Variants in RIMS2 observed in about 807,000 individuals in gnomAD.
RIMS2 encodes the protein regulating synaptic membrane exocytosis 2, also known as regulating synaptic membrane exocytosis protein 2.
A neutral mutation model predicts 174.4 loss-of-function variants in RIMS2; 59 were observed. The ratio of observed to expected loss-of-function variants is 0.34; its 90% CI spans 0.27 to 0.42. RIMS2 has a LOEUF of 0.42. RIMS2 is among the 10% of genes least tolerant of loss of function. The pLI, the probability that RIMS2 is intolerant of heterozygous loss-of-function variation, is 1.00. For missense variants in RIMS2, 1,620 were observed against 1,666.3 expected, an observed-to-expected ratio of 0.97 and a Z score of 0.48; for synonymous variants, 606 against 572.5, an observed-to-expected ratio of 1.06 and a Z score of -0.84.
intron 1 of RIMS2, among the ~76,000 whole-genome samples, chr8:103,677,233 A>AT (rs959521282): frequency 6.6e-6 from 1 of 151,182 alleles, no homozygotes; most frequent in African/African-American, 2.4e-5. Flanking sequence ...TTAGCCAATG[A>AT]TTTTTTCCTA....
At chr8:103,773,813 A>G (rs1196803360) in intron 3 of RIMS2, among the ~76,000 whole-genome samples, 1 of 152,160 alleles carries the variant, frequency 6.6e-6, no homozygotes. Context: ...AATCCTGACA[A>G]CACTTACCTT....
At chr8:103,602,542 G>C (rs187656501) in intron 1 of RIMS2, among the ~76,000 whole-genome samples, 4 of 152,244 alleles carry the variant, frequency 2.6e-5, no homozygotes, top group Admixed American at 6.5e-5. Context: ...CCACTTACAA[G>C]TGAGAACATG....
chr8:104,149,358 C>G (rs1333156614), intron 19 of RIMS2, among the ~76,000 whole-genome samples: 4 of 152,178 alleles, frequency 2.6e-5, no homozygotes, highest in Admixed American at 1.3e-4. Flanking sequence ...ATTTTTATTT[C>G]CCTGTTAAAA....
chr8:103,865,043 C>A (rs2099078015), intron 3 of RIMS2, among the ~76,000 whole-genome samples: 1 of 151,948 alleles, frequency 6.6e-6, no homozygotes, highest in African/African-American at 2.4e-5. Flanking sequence ...AAACTATTTC[C>A]CTTCATAGCA....
chr8:103,615,062 G>A (rs1341337507), intron 1 of RIMS2, among the ~76,000 whole-genome samples: 1 of 151,836 alleles, frequency 6.6e-6, no homozygotes, highest in Non-Finnish European at 1.5e-5. Flanking sequence ...GCTCTTACTG[G>A]CTATAATTAG....
In RIMS2 at chr8:104,177,001, C is replaced by T. The variant is rs551299492; in HGVS notation, c.3335-67915C>T. ...TTGAAATACGGAAGGTCAGCAGACA[C>T]GTGTATAGATCACATCAATGGGTTA... On this transcript the variant is annotated intron_variant, in intron 19 of 23. Coordinates refer to ENST00000504942, the Ensembl canonical transcript of RIMS2. Among the ~76,000 whole-genome samples, 11 of 152,042 alleles carry T rather than the reference C, an allele frequency of 7.2e-5. No homozygotes were observed. In the South Asian group the frequency reaches 8.3e-4, roughly 11 times the overall value.
intron 19 of RIMS2, among the ~76,000 whole-genome samples, chr8:104,115,694 T>C (rs1466783202): frequency 2.0e-5 from 3 of 151,996 alleles, no homozygotes; most frequent in South Asian, 2.1e-4. Flanking sequence ...CTTAAAGACC[T>C]AAAGGGGCCA....
At chr8:103,531,018 C>T (rs958713158) in intron 1 of RIMS2, among the ~76,000 whole-genome samples, 1 of 150,346 alleles carries the variant, frequency 6.7e-6, no homozygotes, top group Non-Finnish European at 1.5e-5. Context: ...AAGGTAAATA[C>T]GAATTATAAT....
chr8:103,824,659 A>G (rs2098775747), intron 3 of RIMS2, among the ~76,000 whole-genome samples: 1 of 152,214 alleles, frequency 6.6e-6, no homozygotes, highest in Non-Finnish European at 1.5e-5. Flanking sequence ...TGCAAAGCAG[A>G]TAGAAGTAGA....
intron 1 of RIMS2, among the ~76,000 whole-genome samples, chr8:103,689,789 G>C (rs185852258): frequency 6.6e-6 from 1 of 152,016 alleles, no homozygotes; most frequent in Non-Finnish European, 1.5e-5. Flanking sequence ...TGTGATTATG[G>C]TGTATAAACT....
chr8:103,558,110 T>C (rs1420205262), intron 1 of RIMS2, among the ~76,000 whole-genome samples: 1 of 152,176 alleles, frequency 6.6e-6, no homozygotes, highest in Non-Finnish European at 1.5e-5. Context: ...AGTTTATTTT[T>C]GGACTGCATT....
chr8:104,084,667 C>T (rs980539720), intron 19 of RIMS2, among the ~76,000 whole-genome samples: 10 of 151,592 alleles, frequency 6.6e-5, no homozygotes, highest in Non-Finnish European at 1.3e-4. Flanking sequence ...AATTTTTGAG[C>T]TCATGGCTTA....
rs543356319 is a variant in RIMS2 at position 103,971,129 on chromosome 8, T to C, written c.2771-4221T>C. On this transcript the variant is annotated intron_variant, in intron 15 of 23. Transcript: ENST00000504942. ...ATAAATAGACTATATATAGATAAAA[T>C]ATCAAACCTAGTCATGTACAATTTT... Among the ~76,000 whole-genome samples, 109 of 152,274 alleles carry C rather than the reference T, an allele frequency of 7.2e-4. 3 individuals are homozygous for C. The South Asian group carries it at 0.019, about 27-fold the overall frequency.
chr8:103,892,193 G>A (rs1470372948), intron 4 of RIMS2, among the ~76,000 whole-genome samples: 2 of 149,998 alleles, frequency 1.3e-5, no homozygotes, highest in Non-Finnish European at 3.0e-5. Context: ...AAAATTCTTA[G>A]CTAGATAACA....
intron 2 of RIMS2, among the ~76,000 whole-genome samples, chr8:103,710,440 G>A (rs2097290169): frequency 6.6e-6 from 1 of 151,994 alleles, no homozygotes; most frequent in African/African-American, 2.4e-5. Flanking sequence ...CGAAATATCG[G>A]TTCTCTTTGT....
At chr8:103,605,643 G>A (rs1286276120) in intron 1 of RIMS2, among the ~76,000 whole-genome samples, 1 of 151,928 alleles carries the variant, frequency 6.6e-6, no homozygotes. Context: ...ACTCTTTTTG[G>A]TTGGTAAACT....
chr8:103,671,471 T>C (rs2096743211), intron 1 of RIMS2, among the ~76,000 whole-genome samples: 1 of 152,222 alleles, frequency 6.6e-6, no homozygotes, highest in Non-Finnish European at 1.5e-5. Flanking sequence ...GTCTTTTCAT[T>C]GGAGTACTAG....
At chr8:103,697,525 A>G (rs944067977) in intron 2 of RIMS2, among the ~76,000 whole-genome samples, 4 of 150,164 alleles carry the variant, frequency 2.7e-5, no homozygotes, top group African/African-American at 9.8e-5. Context: ...CTTGGGCAAC[A>G]TGGTGAAACC....
At chr8:103,759,652 G>T (rs1310816376) in intron 2 of RIMS2, among the ~76,000 whole-genome samples, 1 of 151,656 alleles carries the variant, frequency 6.6e-6, no homozygotes, top group Non-Finnish European at 1.5e-5. Flanking sequence ...CTTTGTTCTA[G>T]TGTGGCATGA....
Sources: allele counts gnomAD v4.1 joint callset (sites outside exome capture counted in the v4.1 genomes callset), GRCh38; gene constraint gnomAD v4.1.1; transcripts MANE v1.5; gene names NCBI Gene and HGNC (gene_info 2026-07-23, HGNC 2026-07-21).